Variants in RBFOX1 observed in about 807,000 individuals in gnomAD.
RBFOX1 encodes the protein RNA binding protein fox-1 homolog 1.
RBFOX1 carries 8 observed loss-of-function variants against 57.7 expected under a neutral mutation model. The ratio of observed to expected loss-of-function variants is 0.14; its 90% CI spans 0.08 to 0.25. The LOEUF (loss-of-function observed/expected upper bound fraction) is 0.25, where lower values mean the gene tolerates loss of function less well. RBFOX1 is among the 10% of genes least tolerant of loss of function. RBFOX1 has a pLI of 1.00. For missense variants in RBFOX1, 611 were observed against 548.5 expected, an observed-to-expected ratio of 1.11 and a Z score of -1.14; for synonymous variants, 326 against 222.4, an observed-to-expected ratio of 1.47 and a Z score of -4.15.
chr16:5,639,326 G>A (rs1380342552), intron 3 of RBFOX1, among the ~76,000 whole-genome samples: 1 of 152,194 alleles, frequency 6.6e-6, no homozygotes, highest in African/African-American at 2.4e-5. Context: ...TGTCTCAGAA[G>A]CATGGCCCTT....
rs573571089 is a variant in RBFOX1, at chr16:7,473,544, T to C, written c.28-44603T>C. Among the ~76,000 whole-genome samples the C allele has an allele frequency of 1.0e-4, 15 of 150,188 alleles. No individual in the cohort carries two copies. In the South Asian group the frequency reaches 2.5e-3, roughly 25 times the overall value. The stretch of plus-strand genomic sequence containing the variant: ...TATAATATATATAAAGGACCTTGAC[T>C]ATAGTAGTATTTAGCGAAAGCAGTT... On this transcript the variant is annotated intron_variant, in intron 4 of 15. Coordinates refer to ENST00000550418, the MANE Select transcript of RBFOX1 (RefSeq NM_018723.4).
At chr16:7,425,928 C>A (rs1298423946) in intron 4 of RBFOX1, among the ~76,000 whole-genome samples, 2 of 152,206 alleles carry the variant, frequency 1.3e-5, no homozygotes, top group Non-Finnish European at 2.9e-5. Context: ...CTCCCAGATT[C>A]TCCTCAGTGT....
chr16:5,250,203 T>C (rs1211111234), intron 1 of RBFOX1, among the ~76,000 whole-genome samples: 1 of 152,196 alleles, frequency 6.6e-6, no homozygotes, highest in Non-Finnish European at 1.5e-5. Context: ...CTTTTCTTGA[T>C]CTTGCTTCTC....
At chr16:5,308,484 G>A (rs116380622) in intron 1 of RBFOX1, among the ~76,000 whole-genome samples, 1 of 152,130 alleles carries the variant, frequency 6.6e-6, no homozygotes, top group Non-Finnish European at 1.5e-5. Flanking sequence ...TGATCTGACT[G>A]ATCAATTTCA....
intron 4 of RBFOX1, among the ~76,000 whole-genome samples, chr16:7,077,173 G>A (rs571544479): frequency 2.8e-4 from 42 of 152,246 alleles, no homozygotes; most frequent in South Asian, 1.2e-3. Flanking sequence ...CTGAATAAGC[G>A]GTTTCCCAGC....
At chr16:6,004,329 T>C (rs924011763) in intron 4 of RBFOX1, among the ~76,000 whole-genome samples, 13 of 152,372 alleles carry the variant, frequency 8.5e-5, no homozygotes, top group African/African-American at 3.1e-4. Context: ...AGCCTCAGTT[T>C]TCTTATCTGC....
chr16:6,961,067 C>T (rs1242573152), intron 3 of RBFOX1, among the ~76,000 whole-genome samples: 6 of 151,168 alleles, frequency 4.0e-5, no homozygotes, highest in African/African-American at 1.5e-4. Context: ...CACTTGAATC[C>T]GGGAGGCGGG....
At chr16:7,265,675 C>T (rs950704366) in intron 4 of RBFOX1, among the ~76,000 whole-genome samples, 4 of 152,182 alleles carry the variant, frequency 2.6e-5, no homozygotes, top group African/African-American at 9.6e-5. Context: ...TCTGAAACTC[C>T]TGACCTCAGG....
intron 4 of RBFOX1, among the ~76,000 whole-genome samples, chr16:7,265,559 C>T (rs973402282): frequency 2.0e-5 from 3 of 152,238 alleles, no homozygotes; most frequent in Admixed American, 6.5e-5. Context: ...AGCGATTCTC[C>T]TGCCTCAGCC....
chr16:5,742,279 C>T (rs2052799399), intron 3 of RBFOX1, among the ~76,000 whole-genome samples: 1 of 148,466 alleles, frequency 6.7e-6, no homozygotes, highest in Non-Finnish European at 1.5e-5. Context: ...TTTCTTCCTC[C>T]CTCCCTCCCT....
intron 3 of RBFOX1, among the ~76,000 whole-genome samples, chr16:6,684,604 TGTGA>T (rs1332857362): frequency 1.3e-5 from 2 of 152,182 alleles, no homozygotes; most frequent in Non-Finnish European, 2.9e-5. Flanking sequence ...CAGCTGATTC[TGTGA>T]GTGAGATGAG....
intron 1 of RBFOX1, among the ~76,000 whole-genome samples, chr16:5,463,898 C>T (rs2068872937): frequency 6.6e-6 from 1 of 152,008 alleles, no homozygotes; most frequent in Non-Finnish European, 1.5e-5. Context: ...CTATTTTGAA[C>T]AAATTTGCTT....
intron 11 of RBFOX1, among the ~76,000 whole-genome samples, chr16:7,631,476 G>C (rs915430950): frequency 6.6e-6 from 1 of 152,170 alleles, no homozygotes; most frequent in African/African-American, 2.4e-5. Flanking sequence ...ACTCTACCAT[G>C]TTCTCCCAGA....
In RBFOX1 at chr16:7,282,578, C is replaced by T. The variant is rs150059173; in HGVS notation, c.27+230480C>T. 7.2e-3 allele frequency among the ~76,000 whole-genome samples: 1,091 copies of T among 151,010 alleles called. 6 individuals carry two copies. The highest frequency in any genetic ancestry group is 0.012 in the Non-Finnish European group (796 of 67,820). ...ATTAAGCTTTTTTTTTTCCTGTTAT[C>T]GTTCTTTTAAAAAATTTTTCCATAG... On this transcript the variant is annotated intron_variant, in intron 4 of 15. Coordinates refer to ENST00000550418, the MANE Select transcript of RBFOX1 (RefSeq NM_018723.4).
rs1360130741 is a variant in RBFOX1, at chr16:6,600,884, A to T, written c.-63-53719A>T. Among the ~76,000 whole-genome samples, 4 of 152,234 alleles carry T rather than the reference A, an allele frequency of 2.6e-5. No homozygotes were observed. The South Asian group carries it at 6.2e-4, about 24-fold the overall frequency. ...TTGTGAATTATAACTGGGGAATTAG[A>T]TCTATGAAAAAGCCTCTAATATGAC... On this transcript the variant is annotated intron_variant, in intron 2 of 15. Transcript: ENST00000550418.
At chr16:6,088,427 T>C (rs1456999477) in intron 1 of RBFOX1, among the ~76,000 whole-genome samples, 1 of 152,204 alleles carries the variant, frequency 6.6e-6, no homozygotes, top group Non-Finnish European at 1.5e-5. Context: ...TAGCTGAATT[T>C]TTCCAAAGAT....
At chr16:5,957,538 G>A (rs1211905897) in intron 4 of RBFOX1, among the ~76,000 whole-genome samples, 1 of 152,122 alleles carries the variant, frequency 6.6e-6, no homozygotes, top group Non-Finnish European at 1.5e-5. Flanking sequence ...ATTTCTAATT[G>A]TTATATCAGG....
chr16:6,517,027 CA>C (rs1374252427), intron 2 of RBFOX1, among the ~76,000 whole-genome samples: 2 of 152,152 alleles, frequency 1.3e-5, no homozygotes, highest in African/African-American at 4.8e-5. Flanking sequence ...TAGACATCAA[CA>C]TAATGAATGT....
intron 3 of RBFOX1, among the ~76,000 whole-genome samples, chr16:5,605,378 C>A (rs2047535713): frequency 6.6e-6 from 1 of 152,176 alleles, no homozygotes; most frequent in East Asian, 1.9e-4. Flanking sequence ...AGACGGCAGT[C>A]AGATGGGAGT....
Sources: allele counts gnomAD v4.1 joint callset (sites outside exome capture counted in the v4.1 genomes callset), GRCh38; gene constraint gnomAD v4.1.1; transcripts MANE v1.5; gene names NCBI Gene and HGNC (gene_info 2026-07-23, HGNC 2026-07-21).